The following ACADM variants were observed in gnomAD, a reference collection of about 807,000 sequenced individuals.
ACADM encodes the protein medium-chain specific acyl-CoA dehydrogenase, mitochondrial.
Under a neutral mutation model 58.9 loss-of-function variants are expected in ACADM, and 49 were observed. That is an observed-to-expected ratio of 0.83 (90% CI 0.66 to 1.06). The LOEUF (loss-of-function observed/expected upper bound fraction) is 1.06, where lower values mean the gene tolerates loss of function less well. Among genes scored for constraint, ACADM ranks in the 50% least tolerant of loss-of-function variants. ACADM has a pLI of 0.00. For missense variants in ACADM, 496 were observed against 507.0 expected, an observed-to-expected ratio of 0.98 and a Z score of 0.21; for synonymous variants, 160 against 157.7, an observed-to-expected ratio of 1.01 and a Z score of -0.11.
chr1:75,746,887 C>T (rs1218432445), intron 8 of ACADM, among the ~76,000 whole-genome samples: 1 of 152,170 alleles, frequency 6.6e-6, no homozygotes, highest in Non-Finnish European at 1.5e-5. Context: ...GCATGAGCCA[C>T]TGCGCCCAAC....
rs1648077584 is a variant in ACADM, at chr1:75,749,456, G to A, written c.746G>A (p.Gly249Glu). 2 of 1,613,974 alleles carry A rather than the reference G, an allele frequency of 1.2e-6. No homozygotes were observed. The highest frequency in any genetic ancestry group is 1.7e-6 in the Non-Finnish European group (2 of 1,179,978). Reference protein sequence around the residue: ...NMGQRCSDTRGIVFEDVKVPK... With the variant: ...NMGQRCSDTREIVFEDVKVPK... ...GGCCAGCGATGTTCAGATACTAGAGGAATTGTCTTCGAAGATGTGAAAGTG... is the reference window on the plus strand; with the variant it reads ...GGCCAGCGATGTTCAGATACTAGAGAAATTGTCTTCGAAGATGTGAAAGTG... Residue 249 changes from glycine (G) to glutamate (E), a missense_variant, in exon 9 of 12, where the codon GGA becomes GAA. Coordinates refer to ENST00000370841, the MANE Select transcript of ACADM (RefSeq NM_000016.6).
At chr1:75,731,893 G>A (rs1052142654) in intron 2 of ACADM, among the ~76,000 whole-genome samples, 1 of 152,018 alleles carries the variant, frequency 6.6e-6, no homozygotes, top group African/African-American at 2.4e-5. Context: ...ATAGGGTGAG[G>A]TGGCTCCCAG....
intron 8 of ACADM, 87 bp downstream of exon 8, chr1:75,746,001 T>G (rs1557455356): frequency 2.2e-6 from 2 of 923,702 alleles, no homozygotes; most frequent in Non-Finnish European, 3.4e-6. Flanking sequence ...ATAAAAACAT[T>G]TGTTTGTATT....
At chr1:75,750,941 G>A in intron 10 of ACADM, 1 of 297,506 alleles carries the variant, frequency 3.4e-6, no homozygotes, top group Non-Finnish European at 6.5e-6. Context: ...TAGAGATGGG[G>A]TTTCACTATG....
chr1:75,749,806 G>A (rs1335894069), intron 9 of ACADM, among the ~76,000 whole-genome samples: 1 of 147,784 alleles, frequency 6.8e-6, no homozygotes, highest in Admixed American at 6.9e-5. Flanking sequence ...TTCACGTCCT[G>A]GGTTCAAGAG....
chr1:75,728,243 T>G, intron 1 of ACADM, 158 bp from the exon 2 acceptor site: 1 of 554,750 alleles, frequency 1.8e-6, no homozygotes, highest in Non-Finnish European at 3.2e-6. Context: ...GATAATTGGC[T>G]TATTTAAATT....
At chr1:75,729,356 T>G (rs1303169) in intron 2 of ACADM, among the ~76,000 whole-genome samples, 15 of 142,618 alleles carry the variant, frequency 1.1e-4, no homozygotes, top group Admixed American at 7.7e-4. Context: ...AGGCCGATCT[T>G]GAACTCCTAG....
intron 1 of ACADM, among the ~76,000 whole-genome samples, chr1:75,726,645 C>T (rs886223862): frequency 6.6e-6 from 1 of 152,064 alleles, no homozygotes; most frequent in Non-Finnish European, 1.5e-5. Context: ...ACTTTCTGAG[C>T]CTTCGTTTCT....
intron 10 of ACADM, chr1:75,754,932 G>A (rs922502951): frequency 6.6e-6 from 1 of 152,474 alleles, no homozygotes; most frequent in Non-Finnish European, 1.5e-5. Context: ...TTTTCCAACA[G>A]TCTTAGCAAA....
chr1:75,762,874 A>G lies in ACADM; in HGVS notation c.*111A>G. The G allele has an allele frequency of 7.4e-6, 5 of 679,908 alleles. No individual in the cohort carries two copies. The South Asian group carries it at 8.6e-5, about 12-fold the overall frequency. 42.1% of individuals were successfully genotyped at this position (679,908 alleles called of 1,614,324 possible). On this transcript the variant is annotated 3_prime_UTR_variant, in exon 12 of 12. Coordinates refer to ENST00000370841, the MANE Select transcript of ACADM (RefSeq NM_000016.6). ...CAGTGAAAACAAATCCTCTTATATTAAATCTAAGCAACTGCTTATTATAGT... is the reference window on the plus strand; with the variant it reads ...CAGTGAAAACAAATCCTCTTATATTGAATCTAAGCAACTGCTTATTATAGT...
At chr1:75,733,419 C>T (rs1328846723) in intron 4 of ACADM, 109 bp from the exon 5 acceptor site, 4 of 1,155,674 alleles carry the variant, frequency 3.5e-6, no homozygotes, top group Non-Finnish European at 5.1e-6. Context: ...TTGCAAATTT[C>T]CTTTTAAAAC....
Position 75,749,516 on chromosome 1 carries a change from G to A in ACADM, c.806G>A (p.Gly269Asp), listed in dbSNP as rs1325021328. The change falls in exon 9 of 12, where the codon GGT (glycine) becomes GAT (aspartate). Residue 269 changes from glycine (G) to aspartate (D), a missense_variant. Gly to Asp is a moderately conservative substitution (Grantham distance 94). Transcript: ENST00000370841. ...AATGTTTTAATTGGTGACGGAGCTG[G>A]TTTCAAAGTTGCAATGGGAGCTTTT... ...KENVLIGDGA[G>D]FKVAMGAFDK... 3.1e-6 allele frequency: 5 copies of A among 1,614,060 alleles called. No homozygotes were observed. The South Asian group carries it at 5.5e-5, about 18-fold the overall frequency.
chr1:75,744,434 C>A, intron 7 of ACADM: 2 of 1,506,106 alleles, frequency 1.3e-6, no homozygotes, highest in Admixed American at 3.3e-5. Context: ...GGTGATGGAA[C>A]CTGCACCAAT....
At chr1:75,725,877 T>C (rs1233737345) in intron 1 of ACADM, among the ~76,000 whole-genome samples, 1 of 152,238 alleles carries the variant, frequency 6.6e-6, no homozygotes, top group Non-Finnish European at 1.5e-5. Context: ...TGTAAACCTG[T>C]CTACGGCCAC....
chr1:75,737,279 A>AAAT (rs1553123496), intron 6 of ACADM, among the ~76,000 whole-genome samples: 1 of 43,124 alleles, frequency 2.3e-5, no homozygotes. Flanking sequence ...CACACACACA[A>AAAT]ATATATATAT....
rs368688785 is a variant in ACADM, at chr1:75,737,279, AATATATATAT to A, written c.468+2447_468+2456del. 5.5e-3 allele frequency among the ~76,000 whole-genome samples: 237 copies of A among 43,112 alleles called. 7 individuals are homozygous for A. Among genetic ancestry groups the A allele is most frequent in the African/African-American group, 0.015 (156 of 10,286 alleles). The allele number at this position is 43,112 out of a possible 152,430, so 28.3% of individuals were successfully genotyped here. A position where few individuals can be genotyped will look rare whatever the true frequency, so the allele number is the denominator to read the frequency against. The stretch of plus-strand genomic sequence containing the variant: ...GAGACTGCCACCACACACACACACA[AATATATATAT>A]ATATATATATATATATATATATATA... On this transcript the variant is annotated intron_variant, in intron 6 of 11. Transcript: ENST00000370841.
Position 75,763,404 on chromosome 1 carries a change from C to T in ACADM, c.*641C>T, listed in dbSNP as rs1276225987. 6.6e-6 allele frequency: 1 copy of T among 152,146 alleles called. No individual in the cohort carries two copies. Among genetic ancestry groups the T allele is most frequent in the Non-Finnish European group, 1.5e-5 (1 of 68,058 alleles). The allele number at this position is 152,146 out of a possible 1,614,324, so 9.4% of individuals were successfully genotyped here. ...AAATTATTTTTATATGACTGTTGGT[C>T]TCTAGGTAGCCTTTGGTCTATTGTA... is the stretch of plus-strand genomic sequence containing the variant. On this transcript the variant is annotated 3_prime_UTR_variant, in exon 12 of 12. Transcript: ENST00000370841.
chr1:75,758,068 T>C (rs1376167645), intron 10 of ACADM, among the ~76,000 whole-genome samples: 2 of 152,078 alleles, frequency 1.3e-5, no homozygotes, highest in Non-Finnish European at 2.9e-5. Context: ...TTTTTTTAAT[T>C]ATTATTTTTT....
chr1:75,747,947 CAAAAT>C (rs903249984), intron 8 of ACADM, among the ~76,000 whole-genome samples: 21 of 152,220 alleles, frequency 1.4e-4, no homozygotes, highest in Middle Eastern at 3.4e-3. Flanking sequence ...CTTTTAAAGA[CAAAAT>C]AAAGGGATGT....
Sources: allele counts gnomAD v4.1 joint callset (sites outside exome capture counted in the v4.1 genomes callset), GRCh38; gene constraint gnomAD v4.1.1; transcripts MANE v1.5; gene names NCBI Gene and HGNC (gene_info 2026-07-23, HGNC 2026-07-21).